DHH: variants seen among roughly 807,000 people sequenced by gnomAD.
DHH encodes the protein desert hedgehog signaling molecule.
In DHH, 16 loss-of-function variants were observed where a neutral mutation model predicts 27.6. That is an observed-to-expected ratio of 0.58 (90% confidence interval 0.39 to 0.88). The LOEUF is 0.88. DHH is among the 40% of genes least tolerant of loss of function. The pLI, the probability that DHH is intolerant of heterozygous loss-of-function variation, is 0.00. For synonymous variants in DHH, 289 were observed against 263.4 expected, an observed-to-expected ratio of 1.10 and a Z score of -0.94; for missense variants, 436 against 563.1, an observed-to-expected ratio of 0.77 and a Z score of 2.28.
Position 49,089,566 on chromosome 12 carries a change from A to G in DHH, c.*293T>C. ...GCAAGCTGGGCAAGGGAATCATTAT[A>G]TTACAATTTATAAATAAGAAATAAA... On this transcript the variant is annotated 3_prime_UTR_variant, in exon 3 of 3. Coordinates refer to ENST00000649637, the MANE Select transcript of DHH (RefSeq NM_021044.4). The G allele has an allele frequency of 3.4e-6, 1 of 295,446 alleles. No homozygotes were observed. Among genetic ancestry groups the G allele is most frequent in the East Asian group, 5.6e-5 (1 of 17,778 alleles). 18.3% of individuals were successfully genotyped at this position (295,446 alleles called of 1,614,324 possible).
chr12:49,090,448 G>T lies in DHH; in HGVS notation c.602C>A (p.Pro201Gln). 6.2e-7 allele frequency: 1 copy of T among 1,606,660 alleles called. No homozygotes were observed. The highest frequency in any genetic ancestry group is 2.2e-5 in the East Asian group (1 of 44,848). ...CCACAGGCGCACAGTTGCATTTCCCGGAAAGCAGCCGCCCGCCCGGACCGC... is the reference window on the plus strand; with the variant it reads ...CCACAGGCGCACAGTTGCATTTCCCTGAAAGCAGCCGCCCGCCCGGACCGC... ...SLAVRAGGCFPGNATVRLWSG... is the reference protein window; with the variant it reads ...SLAVRAGGCFQGNATVRLWSG... The change falls in exon 3 of 3, where the codon CCG (proline) becomes CAG (glutamine). Residue 201 changes from proline (P) to glutamine (Q), a missense_variant. By Grantham distance (76) the Pro-to-Gln change is moderately conservative (BLOSUM62 -1). Transcript: ENST00000649637. The surrounding 1 kb of genome is among the most constrained non-coding windows in gnomAD (Gnocchi z 5.2).
In DHH at chr12:49,094,772, G is replaced by A. The variant is rs752761859; in HGVS notation, c.-260C>T. 18 of 581,658 alleles carry A rather than the reference G, an allele frequency of 3.1e-5. No individual in the cohort carries two copies. The highest frequency in any genetic ancestry group is 1.3e-4 in the African/African-American group (7 of 53,332). The allele number at this position is 581,658 out of a possible 1,614,324, so 36.0% of individuals were successfully genotyped here. On this transcript the variant is annotated 5_prime_UTR_variant, in exon 1 of 3. It adds an upstream start codon to the 5' untranslated region. Coordinates refer to ENST00000649637, the MANE Select transcript of DHH (RefSeq NM_021044.4). ...TCGTGGGTGAGTGCCAGCCCAGCCC[G>A]TCTCTGCTGCAGGACTCTGGTGCTG... is the stretch of plus-strand genomic sequence containing the variant.
rs1463651245 is a variant in DHH, at chr12:49,090,387, G to T, written c.663C>A (p.Arg221=). ...CATCGGCCGCCAAAACCCAGTCTCC[G>T]CGGTGCAGTTCCCGCAGCCCTTTCC... ...GERKGLRELH[R]GDWVLAADAS... is the part of the protein sequence containing the mutation. The change falls in exon 3 of 3, where the codon CGC becomes CGA. Residue 221 remains arginine (R), a synonymous_variant. Coordinates refer to ENST00000649637, the MANE Select transcript of DHH (RefSeq NM_021044.4). The surrounding 1 kb of genome is among the most constrained non-coding windows in gnomAD (Gnocchi z 5.2). The T allele has an allele frequency of 1.2e-6, 2 of 1,609,594 alleles. No individual in the cohort carries two copies. Among genetic ancestry groups the T allele is most frequent in the South Asian group, 2.2e-5 (2 of 90,366 alleles).
chr12:49,090,361 G>T lies in DHH; in HGVS notation c.689C>A (p.Ala230Glu). 6.2e-7 allele frequency: 1 copy of T among 1,608,878 alleles called. No homozygotes were observed. Among genetic ancestry groups the T allele is most frequent in the South Asian group, 1.1e-5 (1 of 90,264 alleles). ...HRGDWVLAAD[A>E]SGRVVPTPVL... Reference sequence around the variant, plus strand: ...CGGCGTGGGCACCACCCGGCCTGACGCATCGGCCGCCAAAACCCAGTCTCC... The same window carrying T: ...CGGCGTGGGCACCACCCGGCCTGACTCATCGGCCGCCAAAACCCAGTCTCC... The change falls in exon 3 of 3, where the codon GCG becomes GAG. Residue 230 changes from alanine (A) to glutamate (E), a missense_variant. Transcript: ENST00000649637. This position sits in a 1 kb window ranked among gnomAD's most constrained non-coding sequence, Gnocchi z 5.2.
At position 49,088,140 on chromosome 12, in the gene DHH, G is replaced by T. The variant is rs1225574110; in HGVS notation, c.*1719C>A. 6.6e-6 allele frequency among the ~76,000 whole-genome samples: 1 copy of T among 152,136 alleles called. No homozygotes were observed. Among genetic ancestry groups the T allele is most frequent in the African/African-American group, 2.4e-5 (1 of 41,416 alleles). ...CATAAGGAAGTCTGGGCTACTACAG[G>T]TATACTAGTAGGGCATCTGCAGCTT... On this transcript the variant is annotated 3_prime_UTR_variant, in exon 3 of 3. Transcript: ENST00000649637.
At chr12:49,093,677 G>A (rs866670903) in intron 1 of DHH, among the ~76,000 whole-genome samples, 29 of 152,232 alleles carry the variant, frequency 1.9e-4, no homozygotes, top group Middle Eastern at 3.4e-3. Context: ...TCTAGGACAC[G>A]TTTCCCATGC....
In DHH at chr12:49,089,828, G is replaced by A. The variant is rs1939262045; in HGVS notation, c.*31C>T. ...TCAGCCAGCAGGCCCTCGTTTCCTC[G>A]GGCGCTTCGAGGTTTCTATGCCTGG... On this transcript the variant is annotated 3_prime_UTR_variant, in exon 3 of 3. Coordinates refer to ENST00000649637, the MANE Select transcript of DHH (RefSeq NM_021044.4). 3 of 1,498,246 alleles carry A rather than the reference G, an allele frequency of 2.0e-6. No homozygotes were observed. The highest frequency in any genetic ancestry group is 2.1e-5 in the Admixed American group (1 of 46,558). 92.8% of individuals were successfully genotyped at this position (1,498,246 alleles called of 1,614,324 possible).
rs755737171 is a variant in DHH, at chr12:49,090,006, C to A, written c.1044G>T (p.Glu348Asp). 1 of 1,562,528 alleles carries A rather than the reference C, an allele frequency of 6.4e-7. No homozygotes were observed. The highest frequency in any genetic ancestry group is 2.4e-5 in the East Asian group (1 of 42,096). The stretch of plus-strand genomic sequence containing the variant: ...AAGCGCGGTGCGCCCACTGGTGACT[C>A]TCCAGAACCGCGTAGCAAGAGGCCA... Reference protein sequence around the residue: ...DVLASCYAVLESHQWAHRAFA... With the variant: ...DVLASCYAVLDSHQWAHRAFA... Residue 348 changes from glutamate to aspartate, a missense_variant, in exon 3 of 3, where the codon GAG (glutamate) becomes GAT (aspartate). Glu to Asp is a conservative substitution (Grantham distance 45). Coordinates refer to ENST00000649637, the MANE Select transcript of DHH (RefSeq NM_021044.4). This position sits in a 1 kb window ranked among gnomAD's most constrained non-coding sequence, Gnocchi z 5.2.
Position 49,089,703 on chromosome 12 carries a change from T to C in DHH, c.*156A>G. On this transcript the variant is annotated 3_prime_UTR_variant, in exon 3 of 3. Transcript: ENST00000649637. ...AGGACCCGGTATCACCTCCTCTCAG[T>C]ACGAGGTTGCCCCTAAGCCAGGCAT... is the stretch of plus-strand genomic sequence containing the variant. 1 of 992,866 alleles carries C rather than the reference T, an allele frequency of 1.0e-6. No individual in the cohort carries two copies. The highest frequency in any genetic ancestry group is 1.4e-6 in the Non-Finnish European group (1 of 712,790). 61.5% of individuals were successfully genotyped at this position (992,866 alleles called of 1,614,324 possible). A position where few individuals can be genotyped will look rare whatever the true frequency, so the allele number is the denominator to read the frequency against.
Position 49,094,076 on chromosome 12 carries a change from C to CT in DHH, c.303+133dup, listed in dbSNP as rs549691860. Reference sequence around the variant, plus strand: ...CAGACTGCAAGGATTTTTCCCCCCCCTGGGGCTGGTGACAAGGGAAATCTC... The same window carrying CT: ...CAGACTGCAAGGATTTTTCCCCCCCCTTGGGGCTGGTGACAAGGGAAATCTC... On this transcript the variant is annotated intron_variant, in intron 1 of 2. Transcript: ENST00000649637. 641 of 1,041,098 alleles carry CT rather than the reference C, an allele frequency of 6.2e-4. 4 individuals carry two copies. The African/African-American group carries it at 9.5e-3, about 15-fold the overall frequency. 64.5% of individuals were successfully genotyped at this position (1,041,098 alleles called of 1,614,324 possible). A position where few individuals can be genotyped will look rare whatever the true frequency, so the allele number is the denominator to read the frequency against.
chr12:49,091,092 C>T lies in DHH; in HGVS notation c.565+36G>A, dbSNP rs1028601228. 3.7e-6 allele frequency: 6 copies of T among 1,614,070 alleles called. No individual in the cohort carries two copies. In the African/African-American group the frequency reaches 5.3e-5, roughly 14 times the overall value. ...GACTCAGTTTCCCGGAGGGAGCCCCCTTTGGGCGGATTTTACCACCCTCCT... is the reference window on the plus strand; with the variant it reads ...GACTCAGTTTCCCGGAGGGAGCCCCTTTTGGGCGGATTTTACCACCCTCCT... On this transcript the variant is annotated intron_variant, in intron 2 of 2. Coordinates refer to ENST00000649637, the MANE Select transcript of DHH (RefSeq NM_021044.4). This position sits in a 1 kb window ranked among gnomAD's most constrained non-coding sequence, Gnocchi z 4.8.
In DHH at chr12:49,094,453, G is replaced by A. The variant is rs1300783064; in HGVS notation, c.60C>T (p.Ala20=). The A allele has an allele frequency of 3.1e-6, 5 of 1,593,478 alleles. No individual in the cohort carries two copies. Among genetic ancestry groups the A allele is most frequent in the Admixed American group, 1.8e-5 (1 of 56,424 alleles). The change falls in exon 1 of 3, where the codon GCC becomes GCT. Residue 20 remains alanine (A), a synonymous_variant. Coordinates refer to ENST00000649637, the MANE Select transcript of DHH (RefSeq NM_021044.4). ...GCCCCCGGCCCGGCCCGCAGCTCTG[G>A]GCTGGCAGCGCCAGAAGTGCCAAGC... ...LCCLALLALP[A]QSCGPGRGPV...
intron 1 of DHH, among the ~76,000 whole-genome samples, chr12:49,093,674 C>T (rs1939342650): frequency 6.6e-6 from 1 of 152,166 alleles, no homozygotes; most frequent in African/African-American, 2.4e-5. Flanking sequence ...GGTTCTAGGA[C>T]ACGTTTCCCA....
At position 49,094,769 on chromosome 12, in the gene DHH, C is replaced by T; in HGVS notation, c.-257G>A. Reference sequence around the variant, plus strand: ...GGGTCGTGGGTGAGTGCCAGCCCAGCCCGTCTCTGCTGCAGGACTCTGGTG... The same window carrying T: ...GGGTCGTGGGTGAGTGCCAGCCCAGTCCGTCTCTGCTGCAGGACTCTGGTG... On this transcript the variant is annotated 5_prime_UTR_variant, in exon 1 of 3. Coordinates refer to ENST00000649637, the MANE Select transcript of DHH (RefSeq NM_021044.4). The T allele has an allele frequency of 3.4e-6, 2 of 585,160 alleles. No individual in the cohort carries two copies. Among genetic ancestry groups the T allele is most frequent in the Non-Finnish European group, 6.1e-6 (2 of 327,290 alleles). The allele number at this position is 585,160 out of a possible 1,614,324, so 36.2% of individuals were successfully genotyped here.
In DHH at chr12:49,094,388, G is replaced by T; in HGVS notation, c.125C>A (p.Pro42Gln). Residue 42 changes from proline (P) to glutamine (Q), a missense_variant, in exon 1 of 3, where the codon CCG (proline) becomes CAG (glutamine). By Grantham distance (76) the Pro-to-Gln change is moderately conservative. Transcript: ENST00000649637. ...GGGCACAAATTGCTTGTAGAGTAGC[G>T]GCACGAGCTGCTTGCGCGCATAGCG... ...RRRYARKQLV[P>Q]LLYKQFVPGV... The T allele has an allele frequency of 6.2e-7, 1 of 1,612,398 alleles. No homozygotes were observed. The highest frequency in any genetic ancestry group is 1.3e-5 in the African/African-American group (1 of 75,040).
At chr12:49,093,731 G>A (rs1032928092) in intron 1 of DHH, among the ~76,000 whole-genome samples, 4 of 152,166 alleles carry the variant, frequency 2.6e-5, no homozygotes, top group African/African-American at 9.7e-5. Context: ...AGATGGTCTG[G>A]TGACCTGACC....
rs756909816 is a variant in DHH at position 49,094,424 on chromosome 12, A to G, written c.89T>C (p.Val30Ala). ...AQSCGPGRGP[V>A]GRRRYARKQL... ...CTTGCGCGCATAGCGGCGCCGGCCAACCGGCCCCCGGCCCGGCCCGCAGCT... is the reference window on the plus strand; with the variant it reads ...CTTGCGCGCATAGCGGCGCCGGCCAGCCGGCCCCCGGCCCGGCCCGCAGCT... Residue 30 changes from valine (V) to alanine (A), a missense_variant, in exon 1 of 3, where the codon GTT becomes GCT. Coordinates refer to ENST00000649637, the MANE Select transcript of DHH (RefSeq NM_021044.4). 3 of 1,608,474 alleles carry G rather than the reference A, an allele frequency of 1.9e-6. No homozygotes were observed. The highest frequency in any genetic ancestry group is 2.2e-5 in the East Asian group (1 of 44,688).
Position 49,088,724 on chromosome 12 carries a change from G to C in DHH, c.*1135C>G, listed in dbSNP as rs1939246130. Among the ~76,000 whole-genome samples the C allele has an allele frequency of 6.6e-6, 1 of 152,144 alleles. No homozygotes were observed. The highest frequency in any genetic ancestry group is 2.4e-5 in the African/African-American group (1 of 41,414). On this transcript the variant is annotated 3_prime_UTR_variant, in exon 3 of 3. Transcript: ENST00000649637. ...GTGATAATGGGAGAGGGAGGAGGAG[G>C]CGCTGAAGACCAAGCCAGTAGAAAC...
rs145375837 is a variant in DHH, at chr12:49,086,696, A to T, written c.*3163T>A. On this transcript the variant is annotated 3_prime_UTR_variant, in exon 3 of 3. Transcript: ENST00000649637. ...TACTTTTAATTATACTTCTTCAGAA[A>T]AGTAGTTTCAGGCACTACCTGGAAC... 2.0e-5 allele frequency among the ~76,000 whole-genome samples: 3 copies of T among 152,346 alleles called. No individual in the cohort carries two copies. The East Asian group carries it at 5.8e-4, about 29-fold the overall frequency.
Sources: allele counts gnomAD v4.1 joint callset (sites outside exome capture counted in the v4.1 genomes callset), GRCh38; gene constraint gnomAD v4.1.1; non-coding constraint Gnocchi (gnomAD v3.1); transcripts MANE v1.5; gene names NCBI Gene and HGNC (gene_info 2026-07-23, HGNC 2026-07-21).